CNBD1: variants seen among roughly 807,000 people sequenced by gnomAD.
CNBD1 encodes the protein cyclic nucleotide binding domain containing 1, also known as cyclic nucleotide-binding domain-containing protein 1.
A neutral mutation model predicts 54.4 loss-of-function variants in CNBD1; 71 were observed. That is an observed-to-expected ratio of 1.30 (90% CI 1.08 to 1.59). The LOEUF (loss-of-function observed/expected upper bound fraction) is 1.59. Ranked by LOEUF, CNBD1 falls within the 40% of genes most tolerant of loss-of-function variation. CNBD1 has a pLI of 0.00. For missense variants in CNBD1, 659 were observed against 518.0 expected, an observed-to-expected ratio of 1.27 and a Z score of -2.64; for synonymous variants, 182 against 170.7, an observed-to-expected ratio of 1.07 and a Z score of -0.51.
At chr8:87,036,583 G>A (rs1809953979) in intron 4 of CNBD1, among the ~76,000 whole-genome samples, 1 of 108,266 alleles carries the variant, frequency 9.2e-6, no homozygotes, top group African/African-American at 3.6e-5. Context: ...GACAGAGCGA[G>A]ACTGCATCTC....
At chr8:87,146,475 A>G (rs1453386001) in intron 4 of CNBD1, among the ~76,000 whole-genome samples, 1 of 152,042 alleles carries the variant, frequency 6.6e-6, no homozygotes, top group Admixed American at 6.6e-5. Context: ...TCTCAACTTA[A>G]TTTATTTTGT....
chr8:87,413,505 C>G (rs1390921805), intron 2 of CNBD1, among the ~76,000 whole-genome samples: 1 of 151,972 alleles, frequency 6.6e-6, no homozygotes, highest in Non-Finnish European at 1.5e-5. Context: ...GGCAAAAATG[C>G]TTAAGATATT....
At chr8:87,214,761 G>A (rs1051588528) in intron 5 of CNBD1, among the ~76,000 whole-genome samples, 2 of 152,290 alleles carry the variant, frequency 1.3e-5, no homozygotes, top group Non-Finnish European at 1.5e-5. Context: ...GCAGGCAACA[G>A]AGAATGAGAG....
intron 4 of CNBD1, among the ~76,000 whole-genome samples, chr8:87,053,028 G>GT (rs1048956478): frequency 2.7e-5 from 4 of 146,198 alleles, no homozygotes; most frequent in African/African-American, 1.0e-4. Flanking sequence ...AAGATAAGGG[G>GT]TGGGGGGTTT....
chr8:87,388,728 G>T lies in CNBD1; in HGVS notation c.213+34942G>T, dbSNP rs187148134. On this transcript the variant is annotated intron_variant, in intron 2 of 7. Transcript: ENST00000521593. ...ACTATTCCAATCAATAGAAAAAGAGGGAATCCTCCCTAACTCATTTTATGA... is the reference window on the plus strand; with the variant it reads ...ACTATTCCAATCAATAGAAAAAGAGTGAATCCTCCCTAACTCATTTTATGA... 3.9e-3 allele frequency among the ~76,000 whole-genome samples: 590 copies of T among 152,234 alleles called. 8 individuals are homozygous for T. Among genetic ancestry groups the T allele is most frequent in the African/African-American group, 0.013 (556 of 41,524 alleles).
intron 10 of CNBD1, among the ~76,000 whole-genome samples, chr8:87,365,806 C>T (rs75911596): frequency 0.035 from 5,256 of 152,024 alleles, 288 homozygotes; most frequent in African/African-American, 0.12. Context: ...ATTAGATTTC[C>T]AATAAATAAC....
rs73280400 is a variant in CNBD1, at chr8:87,308,213, G to A, written c.1042+21542G>A. 3.3e-3 allele frequency among the ~76,000 whole-genome samples: 496 copies of A among 152,218 alleles called. 6 individuals are homozygous for A. Among genetic ancestry groups the A allele is most frequent in the African/African-American group, 0.012 (483 of 41,546 alleles). On this transcript the variant is annotated intron_variant, in intron 8 of 10. Coordinates refer to ENST00000518476, the MANE Select transcript of CNBD1 (RefSeq NM_173538.3). ...CTTGGGCCAGGGGATGGAATTTGTT[G>A]TTCAGTTATTGCTTGGTAACAGACC...
At chr8:87,275,606 A>G (rs959616160) in intron 6 of CNBD1, among the ~76,000 whole-genome samples, 5 of 151,734 alleles carry the variant, frequency 3.3e-5, no homozygotes, top group African/African-American at 1.2e-4. Flanking sequence ...ACAAACCCAC[A>G]GCCAATATCA....
intron 6 of CNBD1, among the ~76,000 whole-genome samples, chr8:87,283,152 T>C (rs1198901650): frequency 6.6e-6 from 1 of 152,130 alleles, no homozygotes; most frequent in East Asian, 1.9e-4. Context: ...TCTTGTATAT[T>C]ATCCATGTAA....
At chr8:87,422,274 T>C (rs1462849516) in intron 2 of CNBD1, among the ~76,000 whole-genome samples, 2 of 145,514 alleles carry the variant, frequency 1.4e-5, no homozygotes, top group East Asian at 1.9e-4. Context: ...AGCTCTTTAG[T>C]TTAATTAGAT....
chr8:87,223,819 T>C (rs1298149180), intron 5 of CNBD1, among the ~76,000 whole-genome samples: 2 of 152,134 alleles, frequency 1.3e-5, no homozygotes, highest in Non-Finnish European at 2.9e-5. Context: ...ATCGCCACAC[T>C]GACTTCCACA....
In CNBD1 at chr8:87,102,957, G is replaced by C. The variant is rs548779348; in HGVS notation, c.432-103036G>C. Among the ~76,000 whole-genome samples the C allele has an allele frequency of 3.7e-4, 56 of 152,196 alleles. 1 individual carries two copies. Among genetic ancestry groups the C allele is most frequent in the African/African-American group, 1.3e-3 (53 of 41,520 alleles). ...TAAAAGAGACAATATAGGGAGAGAGGGATTCAGAGGAACTGAAGAAAATTC... is the reference window on the plus strand; with the variant it reads ...TAAAAGAGACAATATAGGGAGAGAGCGATTCAGAGGAACTGAAGAAAATTC... On this transcript the variant is annotated intron_variant, in intron 4 of 10. Transcript: ENST00000518476.
intron 4 of CNBD1, among the ~76,000 whole-genome samples, chr8:87,129,069 C>CAAAAAAAA (rs570657716): frequency 0.065 from 1,696 of 26,100 alleles, 374 homozygotes; most frequent in African/African-American, 0.082. Context: ...GACTCTGCCT[C>CAAAAAAAA]AAAAAAAAAA....
At chr8:87,191,168 C>A (rs916097328) in intron 4 of CNBD1, among the ~76,000 whole-genome samples, 2 of 151,352 alleles carry the variant, frequency 1.3e-5, no homozygotes, top group Non-Finnish European at 2.9e-5. Context: ...AGACTTCAGT[C>A]TATAGCAGAA....
chr8:86,967,610 A>G (rs1808114713), intron 4 of CNBD1, among the ~76,000 whole-genome samples: 1 of 152,236 alleles, frequency 6.6e-6, no homozygotes, highest in African/African-American at 2.4e-5. Context: ...TTTCTTTTAC[A>G]GTGTTTATTT....
chr8:87,081,820 T>C (rs964341710), intron 4 of CNBD1, among the ~76,000 whole-genome samples: 3 of 152,132 alleles, frequency 2.0e-5, no homozygotes, highest in Non-Finnish European at 4.4e-5. Context: ...TGGACTGTTT[T>C]ATAAATGAAA....
intron 10 of CNBD1, among the ~76,000 whole-genome samples, chr8:87,368,634 C>T (rs916474915): frequency 1.3e-5 from 2 of 151,784 alleles, no homozygotes; most frequent in Admixed American, 1.3e-4. Context: ...AAAAACCTAT[C>T]TCAAAAAGAG....
intron 10 of CNBD1, among the ~76,000 whole-genome samples, chr8:87,358,951 T>G (rs1437385095): frequency 6.6e-6 from 1 of 152,208 alleles, no homozygotes; most frequent in South Asian, 2.1e-4. Flanking sequence ...TTAGGTGTTA[T>G]CTGTTTGCAT....
chr8:86,933,103 T>G (rs1323901625), intron 3 of CNBD1, among the ~76,000 whole-genome samples: 1 of 151,972 alleles, frequency 6.6e-6, no homozygotes, highest in African/African-American at 2.4e-5. Context: ...ATTGGAAGAG[T>G]GATGCCTTTT....
Sources: gnomAD v4.1 joint callset for allele counts (sites outside exome capture counted in the v4.1 genomes callset) on GRCh38, gnomAD v4.1.1 for gene constraint, MANE v1.5 for transcripts, NCBI Gene and HGNC (gene_info 2026-07-23, HGNC 2026-07-21) for gene names.